Variants in TMEM44 observed in about 807,000 individuals in gnomAD.
TMEM44 encodes the protein transmembrane protein 44.
TMEM44 carries 43 observed loss-of-function variants against 47.8 expected under a neutral mutation model. The ratio of observed to expected loss-of-function variants is 0.90; its 90% CI spans 0.70 to 1.16. The LOEUF (loss-of-function observed/expected upper bound fraction) is 1.16, where lower values mean the gene tolerates loss of function less well. Among genes scored for constraint, TMEM44 ranks in the 50% most tolerant of loss-of-function variants. The pLI, the probability that TMEM44 is intolerant of heterozygous loss-of-function variation, is 0.00. For synonymous variants in TMEM44, 277 were observed against 238.8 expected, an observed-to-expected ratio of 1.16 and a Z score of -1.48; for missense variants, 568 against 555.2, an observed-to-expected ratio of 1.02 and a Z score of -0.23.
chr3:194,593,910 A>T (rs1256601812), intron 9 of TMEM44, among the ~76,000 whole-genome samples: 2 of 152,112 alleles, frequency 1.3e-5, no homozygotes, highest in East Asian at 3.9e-4. Context: ...TCCTGGGCTC[A>T]ACTGATCTTC....
In TMEM44 at chr3:194,626,949, A is replaced by T. The variant is rs562632494; in HGVS notation, c.265-959T>A. Among the ~76,000 whole-genome samples the T allele has an allele frequency of 2.8e-3, 366 of 129,174 alleles. 2 individuals carry two copies. Among genetic ancestry groups the T allele is most frequent in the Non-Finnish European group, 4.9e-3 (297 of 60,586 alleles). The allele number at this position is 129,174 out of a possible 152,430, so 84.7% of individuals were successfully genotyped here. A position where few individuals can be genotyped will look rare whatever the true frequency, so the allele number is the denominator to read the frequency against. ...CTGTATTTTTTTTTTTTTGAGACGAAGTCTTGCTGTTGCCCAGGCTGGAGT... is the reference window on the plus strand; with the variant it reads ...CTGTATTTTTTTTTTTTTGAGACGATGTCTTGCTGTTGCCCAGGCTGGAGT... On this transcript the variant is annotated intron_variant, in intron 2 of 9. Coordinates refer to ENST00000347147, the MANE Select transcript of TMEM44 (RefSeq NM_001011655.3).
chr3:194,605,176 C>T (rs116504722), intron 8 of TMEM44, among the ~76,000 whole-genome samples: 4,969 of 151,668 alleles, frequency 0.033, 101 homozygotes, highest in Admixed American at 0.037. Context: ...ATTTATGTAT[C>T]TGTCTATCTA....
intron 5 of TMEM44, 27 bp from the exon 6 acceptor site, chr3:194,617,296 C>T (rs1209213312): frequency 2.4e-5 from 18 of 754,282 alleles, no homozygotes; most frequent in Middle Eastern, 6.2e-4. Flanking sequence ...AGGGGCTGGG[C>T]GGGAGAAGCA....
intron 1 of TMEM44, among the ~76,000 whole-genome samples, chr3:194,629,496 T>C (rs1282153022): frequency 6.6e-6 from 1 of 152,070 alleles, no homozygotes; most frequent in African/African-American, 2.4e-5. Context: ...GCCTCTGAAA[T>C]ACGTTGTTGT....
intron 1 of TMEM44, among the ~76,000 whole-genome samples, chr3:194,632,406 A>G (rs1174980136): frequency 1.3e-5 from 2 of 152,158 alleles, no homozygotes; most frequent in South Asian, 2.1e-4. Flanking sequence ...CATCCTGAGC[A>G]CTGCTAGTGG....
At chr3:194,619,091 G>A (rs1378527352) in intron 5 of TMEM44, among the ~76,000 whole-genome samples, 1 of 152,192 alleles carries the variant, frequency 6.6e-6, no homozygotes, top group South Asian at 2.1e-4. Context: ...GGACACTGAC[G>A]GCCAGAGTGG....
intron 9 of TMEM44, among the ~76,000 whole-genome samples, chr3:194,594,125 A>ATCTGTCTGTCTGTCTGTCTGTCTG (rs1484301999): frequency 2.4e-4 from 22 of 91,818 alleles, no homozygotes; most frequent in East Asian, 6.7e-4. Context: ...TTTTCTATCT[A>ATCTGTCTGTCTGTCTGTCTGTCTG]TCTATCTATC....
In TMEM44 at chr3:194,610,782, A is replaced by G. The variant is rs149316426; in HGVS notation, c.1017+134T>C. On this transcript the variant is annotated intron_variant, in intron 8 of 9. Coordinates refer to ENST00000347147, the MANE Select transcript of TMEM44 (RefSeq NM_001011655.3). ...CTGCCCCTCCACTGCAGCCTTGGAC[A>G]GCTCCTTCTTTTTTACCTGCTTCTC... 5.5e-3 allele frequency: 4,071 copies of G among 743,568 alleles called. 21 individuals carry two copies. The highest frequency in any genetic ancestry group is 7.5e-3 in the Non-Finnish European group (3,365 of 447,010). 46.1% of individuals were successfully genotyped at this position (743,568 alleles called of 1,614,324 possible).
intron 8 of TMEM44, among the ~76,000 whole-genome samples, chr3:194,608,460 C>T (rs1714987126): frequency 6.6e-6 from 1 of 152,184 alleles, no homozygotes. Flanking sequence ...ATAAAGTTTA[C>T]ATCTCAGCAG....
At chr3:194,612,464 G>A (rs1455036193) in intron 7 of TMEM44, among the ~76,000 whole-genome samples, 5 of 151,958 alleles carry the variant, frequency 3.3e-5, no homozygotes, top group Admixed American at 1.3e-4. Context: ...GAGAACATTC[G>A]GAGGGGCAGT....
Position 194,604,315 on chromosome 3 carries a change from T to G in TMEM44, c.1148A>C (p.Glu383Ala). The change falls in exon 9 of 10, where the codon GAG (glutamate) becomes GCG (alanine). Residue 383 changes from glutamate to alanine, a missense_variant. By Grantham distance (107) the Glu-to-Ala change is moderately radical. Coordinates refer to ENST00000347147, the MANE Select transcript of TMEM44 (RefSeq NM_001011655.3). ...CAGGTCGGAGTTGATGGAGGAGACC[T>G]CAGAGGAGCTGCCGGAAGACACCCG... ...RARVSSGSSSEVSSINSDLEW... is the reference protein window; with the variant it reads ...RARVSSGSSSAVSSINSDLEW... The G allele has an allele frequency of 6.3e-7, 1 of 1,580,682 alleles. No homozygotes were observed. Among genetic ancestry groups the G allele is most frequent in the East Asian group, 2.3e-5 (1 of 42,612 alleles).
At chr3:194,604,180 T>G in intron 9 of TMEM44, 107 bp downstream of exon 9, 1 of 1,384,498 alleles carries the variant, frequency 7.2e-7, no homozygotes, top group Non-Finnish European at 9.9e-7. Flanking sequence ...AGGTATGAGG[T>G]TAACGTGGAT....
intron 9 of TMEM44, among the ~76,000 whole-genome samples, chr3:194,600,575 C>G (rs1220905805): frequency 6.6e-6 from 1 of 151,956 alleles, no homozygotes; most frequent in Non-Finnish European, 1.5e-5. Flanking sequence ...GGTGAAACCT[C>G]ATCTCTACTA....
chr3:194,615,762 C>T, intron 6 of TMEM44, 65 bp from the exon 7 acceptor site: 4 of 1,584,654 alleles, frequency 2.5e-6, no homozygotes, highest in Non-Finnish European at 2.6e-6. Context: ...CCCTTCACCC[C>T]TCCACACCAT....
intron 2 of TMEM44, among the ~76,000 whole-genome samples, chr3:194,627,127 C>T (rs1450963054): frequency 1.3e-5 from 2 of 152,310 alleles, no homozygotes; most frequent in Middle Eastern, 3.4e-3. Context: ...GATCTCCTGA[C>T]CTCAGGCAAT....
At chr3:194,613,556 G>A (rs1432807171) in intron 7 of TMEM44, among the ~76,000 whole-genome samples, 1 of 149,800 alleles carries the variant, frequency 6.7e-6, no homozygotes, top group Non-Finnish European at 1.5e-5. Context: ...GCAATGGTGC[G>A]ATTTTGGCTT....
At position 194,631,012 on chromosome 3, in the gene TMEM44, C is replaced by A. The variant is rs554452887; in HGVS notation, c.137+2067G>T. Among the ~76,000 whole-genome samples, 63 of 147,932 alleles carry A rather than the reference C, an allele frequency of 4.3e-4. 2 individuals carry two copies. The highest frequency in any genetic ancestry group is 1.6e-3 in the African/African-American group (62 of 39,778). On this transcript the variant is annotated intron_variant, in intron 1 of 9. Coordinates refer to ENST00000347147, the MANE Select transcript of TMEM44 (RefSeq NM_001011655.3). ...AAATAATACGCTGTTGTACCTGCCTCCCGAAGGGGCTGGCTGTTTCCGTCG... is the reference window on the plus strand; with the variant it reads ...AAATAATACGCTGTTGTACCTGCCTACCGAAGGGGCTGGCTGTTTCCGTCG...
intron 9 of TMEM44, 135 bp downstream of exon 9, chr3:194,604,152 C>T: frequency 8.5e-7 from 1 of 1,178,298 alleles, no homozygotes; most frequent in Non-Finnish European, 1.2e-6. Context: ...CCGCGCCTGG[C>T]CTCATTCATT....
At chr3:194,601,235 T>C (rs1714073734) in intron 9 of TMEM44, among the ~76,000 whole-genome samples, 1 of 149,024 alleles carries the variant, frequency 6.7e-6, no homozygotes, top group African/African-American at 2.5e-5. Context: ...TCTCCGCCCC[T>C]CCGGGTTCAA....
Sources: allele counts gnomAD v4.1 joint callset (sites outside exome capture counted in the v4.1 genomes callset), GRCh38; gene constraint gnomAD v4.1.1; transcripts MANE v1.5; gene names NCBI Gene and HGNC (gene_info 2026-07-23, HGNC 2026-07-21).